The following ITPR1 variants were observed in gnomAD, a reference collection of about 807,000 sequenced individuals.
ITPR1 encodes the protein inositol 1,4,5-trisphosphate-gated calcium channel ITPR1.
A neutral mutation model predicts 318.4 loss-of-function variants in ITPR1; 96 were observed. That is an observed-to-expected ratio of 0.30 (90% confidence interval 0.26 to 0.36). The LOEUF (loss-of-function observed/expected upper bound fraction) is 0.36, where lower values mean the gene tolerates loss of function less well. ITPR1 is among the 10% of genes least tolerant of loss of function. ITPR1 has a pLI of 1.00. For synonymous variants in ITPR1, 1,312 were observed against 1,289.9 expected, an observed-to-expected ratio of 1.02 and a Z score of -0.37; for missense variants, 2,440 against 3,460.2, an observed-to-expected ratio of 0.71 and a Z score of 7.40.
intron 4 of ITPR1, among the ~76,000 whole-genome samples, chr3:4,594,594 C>T (rs1035312975): frequency 4.4e-4 from 67 of 152,292 alleles, no homozygotes; most frequent in African/African-American, 1.5e-3. Flanking sequence ...GCTACGCTAG[C>T]TTCAGCCATT....
chr3:4,676,581 A>G (rs1309218813), intron 23 of ITPR1, 33 bp from the exon 24 acceptor site: 2 of 1,575,484 alleles, frequency 1.3e-6, no homozygotes, highest in Admixed American at 3.4e-5. Context: ...CTCTAGAGAC[A>G]TTGTGACCGT....
chr3:4,584,931 G>C (rs966726957), intron 4 of ITPR1, among the ~76,000 whole-genome samples: 42 of 152,314 alleles, frequency 2.8e-4, no homozygotes, highest in Admixed American at 2.6e-3. Context: ...TGGGTGGAGG[G>C]AGTAAAGGAG....
chr3:4,763,394 TA>T (rs1002652480), intron 44 of ITPR1, among the ~76,000 whole-genome samples: 104 of 148,558 alleles, frequency 7.0e-4, no homozygotes, highest in African/African-American at 2.4e-3. Flanking sequence ...TTGAACAGAA[TA>T]AAAAAAAAAG....
chr3:4,699,215 G>A (rs1244100743), intron 34 of ITPR1, among the ~76,000 whole-genome samples: 2 of 152,022 alleles, frequency 1.3e-5, no homozygotes, highest in Non-Finnish European at 2.9e-5. Flanking sequence ...AAATTAGCTG[G>A]GCATGGTGGT....
At chr3:4,795,289 A>C in intron 53 of ITPR1, 102 bp downstream of exon 53, 2 of 985,176 alleles carry the variant, frequency 2.0e-6, no homozygotes, top group South Asian at 2.6e-5. Flanking sequence ...AGTACTGGGG[A>C]TCCCAGTTAT....
intron 44 of ITPR1, chr3:4,749,564 C>A (rs1048383764): frequency 6.6e-6 from 1 of 152,220 alleles, no homozygotes; most frequent in African/African-American, 2.4e-5. Flanking sequence ...TGACACTTAA[C>A]CCCGAAGACA....
intron 44 of ITPR1, among the ~76,000 whole-genome samples, chr3:4,751,955 C>T (rs2044563571): frequency 6.6e-6 from 1 of 152,162 alleles, no homozygotes. Flanking sequence ...TCTATGCCCG[C>T]TCACATTTCC....
chr3:4,616,057 G>A (rs75891979), intron 4 of ITPR1, among the ~76,000 whole-genome samples: 9,013 of 152,276 alleles, frequency 0.059, 367 homozygotes, highest in Non-Finnish European at 0.089. Flanking sequence ...AAAGGCTACC[G>A]TCATGGCTGG....
intron 4 of ITPR1, among the ~76,000 whole-genome samples, chr3:4,531,123 G>A (rs908368840): frequency 6.6e-6 from 1 of 152,058 alleles, no homozygotes; most frequent in African/African-American, 2.4e-5. Context: ...TAGCAATCAA[G>A]GTGTATCTGG....
chr3:4,641,130 A>G (rs1575849735), intron 6 of ITPR1, among the ~76,000 whole-genome samples: 1 of 152,120 alleles, frequency 6.6e-6, no homozygotes, highest in South Asian at 2.1e-4. Flanking sequence ...TGGTTGTACC[A>G]TTTCTCAAGG....
intron 34 of ITPR1, 112 bp downstream of exon 34, chr3:4,697,384 C>T (rs2094576619): frequency 6.8e-6 from 7 of 1,034,694 alleles, no homozygotes; most frequent in Middle Eastern, 2.6e-4. Context: ...AAGAAAACAG[C>T]TGCATCATTT....
At chr3:4,623,574 G>T (rs1397783023) in intron 4 of ITPR1, among the ~76,000 whole-genome samples, 3 of 152,018 alleles carry the variant, frequency 2.0e-5, no homozygotes, top group Non-Finnish European at 4.4e-5. Context: ...ATATTCTTCT[G>T]GTTTTCCTGT....
chr3:4,502,831 TAGCACTTTGGGATGCCA>T (rs1370470414), intron 2 of ITPR1, among the ~76,000 whole-genome samples: 1 of 152,024 alleles, frequency 6.6e-6, no homozygotes, highest in Admixed American at 6.5e-5. Context: ...CCTGTAATCC[TAGCACTTTGGGATGCCA>T]AGGTGGGTGG....
chr3:4,605,236 G>T (rs1489958011), intron 4 of ITPR1, among the ~76,000 whole-genome samples: 1 of 152,130 alleles, frequency 6.6e-6, no homozygotes, highest in African/African-American at 2.4e-5. Context: ...ACAGGCCTGA[G>T]CCACCCTGCC....
intron 13 of ITPR1, among the ~76,000 whole-genome samples, chr3:4,660,020 G>A (rs2093798970): frequency 6.6e-6 from 1 of 152,098 alleles, no homozygotes; most frequent in Non-Finnish European, 1.5e-5. Context: ...CCTAAAAATA[G>A]GATTGGTAGA....
intron 7 of ITPR1, among the ~76,000 whole-genome samples, chr3:4,643,268 C>T (rs988173837): frequency 6.6e-6 from 1 of 152,304 alleles, no homozygotes. Flanking sequence ...ATATGCTCCT[C>T]AAATGTGATA....
At chr3:4,735,776 C>A (rs945286323) in intron 44 of ITPR1, among the ~76,000 whole-genome samples, 1 of 152,194 alleles carries the variant, frequency 6.6e-6, no homozygotes, top group African/African-American at 2.4e-5. Context: ...TTTTATGTAT[C>A]TATAGATACC....
At chr3:4,609,051 A>AATATGTATATATATATAT (rs1387747146) in intron 4 of ITPR1, among the ~76,000 whole-genome samples, 20 of 46,564 alleles carry the variant, frequency 4.3e-4, no homozygotes, top group South Asian at 1.7e-3. Context: ...ACAACAACGA[A>AATATGTATATATATATAT]ATATATATAT....
intron 4 of ITPR1, among the ~76,000 whole-genome samples, chr3:4,553,693 C>G (rs563590208): frequency 6.6e-6 from 1 of 151,798 alleles, no homozygotes; most frequent in Admixed American, 6.6e-5. Context: ...TTCTGCCTCC[C>G]AGGTTCAAGT....
Sources: allele counts gnomAD v4.1 joint callset (sites outside exome capture counted in the v4.1 genomes callset), GRCh38; gene constraint gnomAD v4.1.1; transcripts MANE v1.5; gene names NCBI Gene and HGNC (gene_info 2026-07-23, HGNC 2026-07-21).